DIP2B: variants seen among roughly 807,000 people sequenced by gnomAD.
DIP2B encodes the protein disco-interacting protein 2 homolog B.
In DIP2B, 76 loss-of-function variants were observed where a neutral mutation model predicts 198.0. That is an observed-to-expected ratio of 0.38 (90% CI 0.32 to 0.46). The LOEUF is 0.46. Among genes scored for constraint, DIP2B ranks in the 20% least tolerant of loss-of-function variants. DIP2B has a pLI of 0.99. For missense variants in DIP2B, 1,559 were observed against 1,978.4 expected (o/e 0.79, Z 4.02); for synonymous variants, 701 against 739.1 (o/e 0.95, Z 0.84).
At chr12:50,615,339 T>C (rs1937679272) in intron 1 of DIP2B, among the ~76,000 whole-genome samples, 2 of 152,044 alleles carry the variant, frequency 1.3e-5, no homozygotes, top group Admixed American at 6.6e-5. Context: ...AATAGCATGG[T>C]TTATTTACAT....
In DIP2B at chr12:50,686,191, C is replaced by G. The variant is rs150488872; in HGVS notation, c.1441+235C>G. On this transcript the variant is annotated intron_variant, in intron 11 of 37. Transcript: ENST00000301180. ...TAAATGGCAGAGCAGCAATTTGAACCCAAATCTGTCTGATTCCACAGCCCA... is the reference window on the plus strand; with the variant it reads ...TAAATGGCAGAGCAGCAATTTGAACGCAAATCTGTCTGATTCCACAGCCCA... Among the ~76,000 whole-genome samples the G allele has an allele frequency of 1.1e-4, 17 of 152,188 alleles. No homozygotes were observed. The East Asian group carries it at 3.3e-3, about 29-fold the overall frequency.
At chr12:50,626,111 A>C (rs556135472) in intron 2 of DIP2B, 64 bp downstream of exon 2, 157 of 1,518,784 alleles carry the variant, frequency 1.0e-4, no homozygotes, top group Admixed American at 4.4e-4. Context: ...CTGTCTTACA[A>C]GACCTCTATC....
intron 1 of DIP2B, among the ~76,000 whole-genome samples, chr12:50,506,323 T>C (rs11614212): frequency 0.17 from 25,138 of 152,200 alleles, 2,818 homozygotes; most frequent in Non-Finnish European, 0.25. Context: ...TCAAAAACTC[T>C]TGATTGGAAA....
intron 1 of DIP2B, among the ~76,000 whole-genome samples, chr12:50,551,977 G>A (rs1378520335): frequency 6.6e-6 from 1 of 152,088 alleles, no homozygotes; most frequent in East Asian, 1.9e-4. Context: ...ATTTTTTGAG[G>A]AAGTTCCCTA....
At chr12:50,695,995 G>A (rs1011072652) in intron 16 of DIP2B, 28 bp downstream of exon 16, 2 of 1,613,456 alleles carry the variant, frequency 1.2e-6, no homozygotes, top group Non-Finnish European at 1.7e-6. Context: ...GTGGATCTGG[G>A]AATATCCTGT....
intron 1 of DIP2B, among the ~76,000 whole-genome samples, chr12:50,608,168 A>G (rs538079963): frequency 1.7e-4 from 26 of 152,312 alleles, no homozygotes; most frequent in African/African-American, 6.0e-4. Context: ...GTGTCCACCA[A>G]TTATTTTTAA....
Position 50,672,093 on chromosome 12 carries a change from A to G in DIP2B, c.640+695A>G, listed in dbSNP as rs752469595. Among the ~76,000 whole-genome samples the G allele has an allele frequency of 2.0e-5, 3 of 152,194 alleles. No individual in the cohort carries two copies. The South Asian group carries it at 6.2e-4, about 32-fold the overall frequency. On this transcript the variant is annotated intron_variant, in intron 5 of 37. Transcript: ENST00000301180. ...ATTACACCAAGTAATGTGTGTTAAC[A>G]TTATGTGTCTGTGATATCTTTCCCT... is the stretch of plus-strand genomic sequence containing the variant.
At chr12:50,724,941 GATCTC>G in intron 28 of DIP2B, 55 bp downstream of exon 28, 1 of 1,538,908 alleles carries the variant, frequency 6.5e-7, no homozygotes, top group Non-Finnish European at 9.0e-7. Flanking sequence ...CAATACCTGA[GATCTC>G]CTCCATTCTC....
At chr12:50,663,008 C>T (rs1021716568) in intron 4 of DIP2B, among the ~76,000 whole-genome samples, 3 of 152,186 alleles carry the variant, frequency 2.0e-5, no homozygotes, top group Admixed American at 1.3e-4. Context: ...ACTCAGGAGG[C>T]TGAGGCAGGG....
At chr12:50,724,909 G>T (rs753480407) in intron 28 of DIP2B, 23 bp downstream of exon 28, 2 of 1,608,374 alleles carry the variant, frequency 1.2e-6, no homozygotes, top group Admixed American at 1.7e-5. Flanking sequence ...CTTCTTCTGA[G>T]GGTGGAGGGA....
chr12:50,659,309 G>T (rs1338614097), intron 3 of DIP2B, among the ~76,000 whole-genome samples: 1 of 152,086 alleles, frequency 6.6e-6, no homozygotes, highest in Non-Finnish European at 1.5e-5. Flanking sequence ...TAAAAAAGAG[G>T]ATCTCATTGG....
Position 50,739,482 on chromosome 12 carries a change from A to G in DIP2B, c.4250A>G (p.His1417Arg). ...IYDSETLQAD[H>R]FNTRLSFGDA... Reference sequence around the variant, plus strand: ...GATAGCGAGACTCTTCAAGCTGATCATTTCAACACTCGCCTCAGCTTTGGA... The same window carrying G: ...GATAGCGAGACTCTTCAAGCTGATCGTTTCAACACTCGCCTCAGCTTTGGA... Residue 1417 changes from histidine to arginine, a missense_variant, in exon 36 of 38, where the codon CAT (histidine) becomes CGT (arginine). Physicochemically the swap from His to Arg is conservative, Grantham distance 29 (BLOSUM62 0). Coordinates refer to ENST00000301180, the MANE Select transcript of DIP2B (RefSeq NM_173602.3). 1.2e-6 allele frequency: 2 copies of G among 1,614,208 alleles called. No homozygotes were observed. The highest frequency in any genetic ancestry group is 1.7e-6 in the Non-Finnish European group (2 of 1,180,032).
At chr12:50,668,948 A>G (rs149735447) in intron 4 of DIP2B, among the ~76,000 whole-genome samples, 2 of 152,132 alleles carry the variant, frequency 1.3e-5, no homozygotes, top group Admixed American at 6.5e-5. Flanking sequence ...TTTTCTTTTA[A>G]TCACCCCCCT....
chr12:50,518,885 T>C (rs1958090243), intron 1 of DIP2B, among the ~76,000 whole-genome samples: 3 of 152,118 alleles, frequency 2.0e-5, no homozygotes, highest in Admixed American at 2.0e-4. Flanking sequence ...GGATTACAGG[T>C]CCATGTCACC....
chr12:50,713,558 T>C (rs1206818785), intron 22 of DIP2B, among the ~76,000 whole-genome samples: 3 of 152,348 alleles, frequency 2.0e-5, no homozygotes, highest in African/African-American at 7.2e-5. Context: ...GGGTAGCTTG[T>C]GGCCTCCAAT....
chr12:50,694,106 C>T (rs370008354), intron 14 of DIP2B, among the ~76,000 whole-genome samples: 1 of 152,214 alleles, frequency 6.6e-6, no homozygotes. Flanking sequence ...TTTGTGATGC[C>T]CAGCTAGCCC....
rs555641991 is a variant in DIP2B, at chr12:50,588,960, G to A, written c.101-37016G>A. ...AGCACTTTGGGAGGCCGAGGCGGGC[G>A]GATCACGAGGTCAGGAGATCGAGAC... On this transcript the variant is annotated intron_variant, in intron 1 of 37. Coordinates refer to ENST00000301180, the MANE Select transcript of DIP2B (RefSeq NM_173602.3). Among the ~76,000 whole-genome samples the A allele has an allele frequency of 3.9e-5, 6 of 152,054 alleles. No individual in the cohort carries two copies. The East Asian group carries it at 5.9e-4, about 15-fold the overall frequency.
chr12:50,549,691 C>A (rs1958409530), intron 1 of DIP2B, among the ~76,000 whole-genome samples: 1 of 111,612 alleles, frequency 9.0e-6, no homozygotes, highest in South Asian at 3.3e-4. Flanking sequence ...GAGCAAGACT[C>A]CATCTTAAAA....
chr12:50,546,291 T>C (rs1180625388), intron 1 of DIP2B, among the ~76,000 whole-genome samples: 2 of 152,258 alleles, frequency 1.3e-5, no homozygotes, highest in Admixed American at 1.3e-4. Context: ...TAGATGCTTA[T>C]TCCTCCCCTG....
Sources: allele counts gnomAD v4.1 joint callset (sites outside exome capture counted in the v4.1 genomes callset), GRCh38; gene constraint gnomAD v4.1.1; transcripts MANE v1.5; gene names NCBI Gene and HGNC (gene_info 2026-07-23, HGNC 2026-07-21).